HS3ST5: variants seen among roughly 807,000 people sequenced by gnomAD.
HS3ST5 encodes heparan sulfate-glucosamine 3-sulfotransferase 5, also known as heparan sulfate glucosamine 3-O-sulfotransferase 5.
HS3ST5 carries 10 observed loss-of-function variants against 25.4 expected under a neutral mutation model. The observed-to-expected ratio is 0.39, with a 90% CI of 0.24 to 0.67. The LOEUF is 0.67. Ranked by LOEUF, HS3ST5 falls within the 30% of genes least tolerant of loss-of-function variation. The probability of loss-of-function intolerance (pLI) is 0.44; values close to 1 mark genes in which losing one functional copy is unlikely to be tolerated. For synonymous variants in HS3ST5, 170 were observed against 162.4 expected (o/e 1.05, Z -0.36); for missense variants, 324 against 420.7 (o/e 0.77, Z 2.01).
At chr6:114,283,484 CAT>C (rs1774210579) in intron 1 of HS3ST5, among the ~76,000 whole-genome samples, 2 of 151,934 alleles carry the variant, frequency 1.3e-5, no homozygotes, top group East Asian at 1.9e-4. Flanking sequence ...TATAAATTAA[CAT>C]ATTTTTGCTA....
intron 1 of HS3ST5, among the ~76,000 whole-genome samples, chr6:114,289,879 C>G (rs1003420352): frequency 1.3e-5 from 2 of 151,920 alleles, no homozygotes; most frequent in Admixed American, 6.6e-5. Flanking sequence ...TTTCATTTAC[C>G]ACAGTTTTAA....
chr6:114,241,134 T>TG (rs1772099814), intron 1 of HS3ST5, among the ~76,000 whole-genome samples: 1 of 102,248 alleles, frequency 9.8e-6, no homozygotes, highest in Admixed American at 8.8e-5. Context: ...AAAAATCAGT[T>TG]TTTTTTTTTT....
chr6:114,090,676 C>G (rs299408), intron 3 of HS3ST5, among the ~76,000 whole-genome samples: 130,095 of 152,134 alleles, frequency 0.86, 55,924 homozygotes, highest in Non-Finnish European at 0.9. Context: ...GGATAGTTTG[C>G]AAAAAAATGC....
intron 1 of HS3ST5, among the ~76,000 whole-genome samples, chr6:114,264,875 A>G (rs952159806): frequency 5.9e-5 from 9 of 152,028 alleles, no homozygotes; most frequent in Non-Finnish European, 7.4e-5. Flanking sequence ...ACAGAGCAAG[A>G]GTTGGGGTTT....
intron 3 of HS3ST5, among the ~76,000 whole-genome samples, chr6:114,097,825 C>T (rs1024327643): frequency 2.0e-5 from 3 of 151,766 alleles, no homozygotes; most frequent in South Asian, 2.1e-4. Flanking sequence ...TAATTCCAAA[C>T]CAAAATTTAA....
chr6:114,242,693 A>G (rs925556634), intron 1 of HS3ST5, among the ~76,000 whole-genome samples: 2 of 151,938 alleles, frequency 1.3e-5, no homozygotes, highest in African/African-American at 4.8e-5. Context: ...CTCTACTAAA[A>G]ATACAAAAAA....
intron 1 of HS3ST5, among the ~76,000 whole-genome samples, chr6:114,339,514 G>C (rs144311340): frequency 6.7e-6 from 1 of 150,352 alleles, no homozygotes; most frequent in East Asian, 1.9e-4. Flanking sequence ...TAAAAATAAA[G>C]AGACGGTAAG....
At chr6:114,151,876 T>C (rs918954780) in intron 3 of HS3ST5, among the ~76,000 whole-genome samples, 3 of 152,226 alleles carry the variant, frequency 2.0e-5, no homozygotes, top group African/African-American at 7.2e-5. Context: ...TCTTATTGCC[T>C]ATTCTTTGTG....
chr6:114,124,494 TG>T (rs1360841983), intron 3 of HS3ST5, among the ~76,000 whole-genome samples: 1 of 152,242 alleles, frequency 6.6e-6, no homozygotes, highest in East Asian at 1.9e-4. Context: ...GTGAGGTTTT[TG>T]TGTTTTGTTT....
At chr6:114,337,804 G>C (rs977652069) in intron 1 of HS3ST5, among the ~76,000 whole-genome samples, 1 of 152,220 alleles carries the variant, frequency 6.6e-6, no homozygotes, top group South Asian at 2.1e-4. Flanking sequence ...CTATTCAAGA[G>C]CAGAGTAGAC....
At chr6:114,322,239 A>G (rs564649087) in intron 1 of HS3ST5, among the ~76,000 whole-genome samples, 1 of 152,278 alleles carries the variant, frequency 6.6e-6, no homozygotes, top group Admixed American at 6.5e-5. Flanking sequence ...TGCGTCTTTC[A>G]GAATGTGTTT....
intron 1 of HS3ST5, among the ~76,000 whole-genome samples, chr6:114,252,524 C>A (rs778957286): frequency 6.6e-6 from 1 of 152,008 alleles, no homozygotes; most frequent in Non-Finnish European, 1.5e-5. Flanking sequence ...GCAAGAGAAA[C>A]TTATGTTATT....
At chr6:114,160,907 G>A (rs1778913355) in intron 3 of HS3ST5, among the ~76,000 whole-genome samples, 1 of 152,110 alleles carries the variant, frequency 6.6e-6, no homozygotes, top group Non-Finnish European at 1.5e-5. Context: ...ATCATAATGT[G>A]CAAAAGAAAC....
chr6:114,201,361 A>G (rs1307555195), intron 2 of HS3ST5, among the ~76,000 whole-genome samples: 2 of 152,130 alleles, frequency 1.3e-5, no homozygotes, highest in African/African-American at 4.8e-5. Context: ...GTCTGCTATC[A>G]CTCAGGAGTG....
intron 2 of HS3ST5, among the ~76,000 whole-genome samples, chr6:114,188,083 T>C (rs1780311870): frequency 6.6e-6 from 1 of 152,234 alleles, no homozygotes; most frequent in South Asian, 2.1e-4. Flanking sequence ...GTGACTCACT[T>C]TATCATGGTG....
intron 3 of HS3ST5, 118 bp from the exon 4 acceptor site, chr6:114,062,995 C>T (rs996864068): frequency 6.5e-5 from 38 of 584,698 alleles, no homozygotes; most frequent in African/African-American, 4.5e-4. Context: ...GATCCCATAC[C>T]AACTCTCACA....
intron 3 of HS3ST5, among the ~76,000 whole-genome samples, chr6:114,081,849 T>C (rs1042799109): frequency 6.6e-6 from 1 of 152,238 alleles, no homozygotes; most frequent in Non-Finnish European, 1.5e-5. Flanking sequence ...TTTTTATTGG[T>C]CTCAGCTTTA....
At chr6:114,061,710 G>A (rs1465182421) in intron 4 of HS3ST5, among the ~76,000 whole-genome samples, 2 of 152,180 alleles carry the variant, frequency 1.3e-5, no homozygotes, top group African/African-American at 4.8e-5. Context: ...AGCACTTTGG[G>A]AGGCCAAGGC....
At chr6:114,066,616 G>A (rs1199089193) in intron 3 of HS3ST5, among the ~76,000 whole-genome samples, 2 of 152,146 alleles carry the variant, frequency 1.3e-5, no homozygotes, top group Non-Finnish European at 2.9e-5. Context: ...CTGGGTGACA[G>A]AGCAAGGCTC....
Sources: gnomAD v4.1 joint callset for allele counts (sites outside exome capture counted in the v4.1 genomes callset) on GRCh38, gnomAD v4.1.1 for gene constraint, MANE v1.5 for transcripts, NCBI Gene and HGNC (gene_info 2026-07-23, HGNC 2026-07-21) for gene names.